Variants in NOX5 observed in about 807,000 individuals in gnomAD.
NOX5 encodes the protein NADPH oxidase, EF-hand calcium binding domain 5.
In NOX5, 76 loss-of-function variants were observed where a neutral mutation model predicts 85.7. The ratio of observed to expected loss-of-function variants is 0.89; its 90% CI spans 0.74 to 1.07. The LOEUF is 1.07. Among genes scored for constraint, NOX5 ranks in the 50% least tolerant of loss-of-function variants. NOX5 has a pLI of 0.00. For synonymous variants in NOX5, 405 were observed against 401.4 expected (o/e 1.01, Z -0.11); for missense variants, 973 against 999.5 (o/e 0.97, Z 0.36).
At chr15:69,051,449 C>T (rs950194244) in intron 14 of NOX5, among the ~76,000 whole-genome samples, 4 of 151,640 alleles carry the variant, frequency 2.6e-5, no homozygotes, top group East Asian at 3.9e-4. Context: ...AGTGCAGTGG[C>T]GCTCACTGCC....
At position 69,047,392 on chromosome 15, in the gene NOX5, C is replaced by T. The variant is rs1470130890; in HGVS notation, c.1693-21C>T. ...CAGCGTCACCCCCCATCTCTCTTCT[C>T]TGATGCCCTCTTGTGCACAGTGCTA... is the stretch of plus-strand genomic sequence containing the variant. On this transcript the variant is annotated intron_variant, in intron 11 of 15. Coordinates refer to ENST00000388866, the MANE Select transcript of NOX5 (RefSeq NM_024505.4). The T allele has an allele frequency of 3.8e-6, 6 of 1,575,004 alleles. No individual in the cohort carries two copies. In the South Asian group the frequency reaches 5.9e-5, roughly 16 times the overall value.
chr15:69,047,407 G>A lies in NOX5; in HGVS notation c.1693-6G>A. On this transcript the variant is annotated splice_polypyrimidine_tract_variant and splice_region_variant and intron_variant, in intron 11 of 15. Transcript: ENST00000388866. ...TCTCTCTTCTCTGATGCCCTCTTGT[G>A]CACAGTGCTACATCGATGGGCCTTA... The A allele has an allele frequency of 6.2e-7, 1 of 1,608,840 alleles. No homozygotes were observed. The highest frequency in any genetic ancestry group is 8.5e-7 in the Non-Finnish European group (1 of 1,177,848).
intron 4 of NOX5, 111 bp downstream of exon 4, chr15:69,031,923 G>A (rs2050440541): frequency 2.7e-6 from 3 of 1,120,904 alleles, no homozygotes; most frequent in Non-Finnish European, 3.7e-6. Flanking sequence ...GCCCTGCCCC[G>A]CCCCTCCCCA....
chr15:69,045,914 G>C (rs311930), intron 10 of NOX5: 148,588 of 152,426 alleles, frequency 0.97, 72,544 homozygotes, highest in East Asian at 1. Flanking sequence ...CAGTCATCTC[G>C]GGACAAAGAA....
intron 1 of NOX5, chr15:69,023,105 G>C: frequency 2.5e-6 from 1 of 405,662 alleles, no homozygotes; most frequent in Non-Finnish European, 4.7e-6. Flanking sequence ...ACTTCTTCCT[G>C]GGTGTCATTA....
At chr15:69,039,876 T>A (rs1458126029) in intron 9 of NOX5, among the ~76,000 whole-genome samples, 2 of 152,226 alleles carry the variant, frequency 1.3e-5, no homozygotes, top group Non-Finnish European at 2.9e-5. Flanking sequence ...GCCAGGCCAA[T>A]GATTGGCCTT....
chr15:69,023,170 A>G (rs1432437142), intron 1 of NOX5: 1 of 314,984 alleles, frequency 3.2e-6, no homozygotes, highest in African/African-American at 2.3e-5. Flanking sequence ...GAAGCCACGG[A>G]GACTGTAGAG....
chr15:69,020,355 C>T (rs762623692), intron 1 of NOX5, among the ~76,000 whole-genome samples: 1 of 152,012 alleles, frequency 6.6e-6, no homozygotes, highest in Non-Finnish European at 1.5e-5. Context: ...ATCTTGTGCC[C>T]CTACTTAAAG....
rs1278815406 is a variant in NOX5 at position 69,055,498 on chromosome 15, A to T, written c.2164A>T (p.Lys722Ter). Residue 722 changes from lysine (K) to a stop codon, truncating the protein, a stop_gained and splice_region_variant, in exon 15 of 16, where the codon AAG becomes TAG. Coordinates refer to ENST00000388866, the MANE Select transcript of NOX5 (RefSeq NM_024505.4). LOFTEE classifies it high-confidence loss of function. ...CCAGCCTGGGCGGCCTGACTGGAGCAAGGTAATGCCAACTGGAGCCCTGCA... is the reference window on the plus strand; with the variant it reads ...CCAGCCTGGGCGGCCTGACTGGAGCTAGGTAATGCCAACTGGAGCCCTGCA... ...RTQPGRPDWS[K>*]VFQKVAAEKK... is the part of the protein sequence containing the mutation. 2 of 1,613,612 alleles carry T rather than the reference A, an allele frequency of 1.2e-6. No individual in the cohort carries two copies. Among genetic ancestry groups the T allele is most frequent in the Admixed American group, 3.3e-5 (2 of 60,018 alleles).
At chr15:69,019,770 C>T (rs1435165397) in intron 1 of NOX5, among the ~76,000 whole-genome samples, 1 of 152,100 alleles carries the variant, frequency 6.6e-6, no homozygotes, top group Non-Finnish European at 1.5e-5. Context: ...TGGATATGGG[C>T]CATTATGCAG....
At chr15:69,055,236 T>G (rs1057455679) in intron 14 of NOX5, 98 bp from the exon 15 acceptor site, 15 of 1,340,170 alleles carry the variant, frequency 1.1e-5, no homozygotes, top group Admixed American at 1.0e-4. Context: ...CCTATGGGTC[T>G]CCTTCCAAGC....
In NOX5 at chr15:69,033,297, G is replaced by T; in HGVS notation, c.855+20G>T. The T allele has an allele frequency of 6.3e-7, 1 of 1,587,668 alleles. No homozygotes were observed. The highest frequency in any genetic ancestry group is 8.5e-7 in the Non-Finnish European group (1 of 1,176,014). Reference sequence around the variant, plus strand: ...ATCGCGGTAGGCTCTGCCAGCACACGGTGCTCTGAAAATGTTAATTAGGAG... The same window carrying T: ...ATCGCGGTAGGCTCTGCCAGCACACTGTGCTCTGAAAATGTTAATTAGGAG... On this transcript the variant is annotated intron_variant, in intron 5 of 15. Coordinates refer to ENST00000388866, the MANE Select transcript of NOX5 (RefSeq NM_024505.4).
At position 69,018,570 on chromosome 15, in the gene NOX5, C is replaced by T. The variant is rs570134441; in HGVS notation, c.50+3785C>T. Among the ~76,000 whole-genome samples the T allele has an allele frequency of 4.2e-4, 58 of 138,730 alleles. 2 individuals carry two copies. Among genetic ancestry groups the T allele is most frequent in the South Asian group, 1.3e-3 (5 of 3,996 alleles). The allele number at this position is 138,730 out of a possible 152,430, so 91.0% of individuals were successfully genotyped here. A position where few individuals can be genotyped will look rare whatever the true frequency, so the allele number is the denominator to read the frequency against. Reference sequence around the variant, plus strand: ...CACAAGACTCTTTTGTGTTACTGGACGCCCAAAGCTGGGAACCGTGCTTCA... The same window carrying T: ...CACAAGACTCTTTTGTGTTACTGGATGCCCAAAGCTGGGAACCGTGCTTCA... On this transcript the variant is annotated intron_variant, in intron 1 of 15. Coordinates refer to ENST00000388866, the MANE Select transcript of NOX5 (RefSeq NM_024505.4).
rs1297658171 is a variant in NOX5, at chr15:69,059,574, G to A, written c.*2878G>A. On this transcript the variant is annotated 3_prime_UTR_variant, in exon 16 of 16. Transcript: ENST00000388866. ...ACAAAATGTCCATCGGTGAGGTCAA[G>A]TTGAACTGAACAGGCCTGGCTTGGG... 2.0e-5 allele frequency: 3 copies of A among 152,180 alleles called. No homozygotes were observed. Among genetic ancestry groups the A allele is most frequent in the Non-Finnish European group, 4.4e-5 (3 of 68,078 alleles). 9.4% of individuals were successfully genotyped at this position (152,180 alleles called of 1,614,324 possible). A position where few individuals can be genotyped will look rare whatever the true frequency, so the allele number is the denominator to read the frequency against.
chr15:69,031,883 A>G, intron 4 of NOX5, 71 bp downstream of exon 4: 2 of 1,464,112 alleles, frequency 1.4e-6, no homozygotes, highest in Non-Finnish European at 1.8e-6. Flanking sequence ...TGTGGCAGGA[A>G]CTCACCGCGG....
At chr15:69,027,116 A>G (rs1002326168) in intron 2 of NOX5, among the ~76,000 whole-genome samples, 1 of 152,114 alleles carries the variant, frequency 6.6e-6, no homozygotes, top group South Asian at 2.1e-4. Context: ...CTGAAATGCC[A>G]GCCTCTCCTA....
rs1405603806 is a variant in NOX5 at position 69,060,042 on chromosome 15, C to T, written c.*3346C>T. ...AAGAGTCTTTTGCACCTAATTGTCA[C>T]TTGTAATTTGGGGAACAAAAGCACA... is the stretch of plus-strand genomic sequence containing the variant. On this transcript the variant is annotated 3_prime_UTR_variant, in exon 16 of 16. Transcript: ENST00000388866. 1.3e-5 allele frequency: 2 copies of T among 152,302 alleles called. No homozygotes were observed. The highest frequency in any genetic ancestry group is 4.1e-4 in the South Asian group (2 of 4,830). 9.4% of individuals were successfully genotyped at this position (152,302 alleles called of 1,614,324 possible). A position where few individuals can be genotyped will look rare whatever the true frequency, so the allele number is the denominator to read the frequency against.
intron 1 of NOX5, chr15:69,023,204 C>G (rs1320849648): frequency 4.0e-6 from 1 of 251,622 alleles, no homozygotes; most frequent in African/African-American, 2.3e-5. Flanking sequence ...ATAAGTCACT[C>G]ACAGAAAAAT....
chr15:69,031,833 T>C, intron 4 of NOX5, 21 bp downstream of exon 4: 1 of 1,583,840 alleles, frequency 6.3e-7, no homozygotes, highest in African/African-American at 1.3e-5. Flanking sequence ...GTCTCGGGCA[T>C]TGGCACTGTC....
Sources: allele counts gnomAD v4.1 joint callset (sites outside exome capture counted in the v4.1 genomes callset), GRCh38; gene constraint gnomAD v4.1.1; transcripts MANE v1.5; gene names NCBI Gene and HGNC (gene_info 2026-07-23, HGNC 2026-07-21).